DLC1: variants seen among roughly 807,000 people sequenced by gnomAD.
The protein encoded by DLC1 is DLC1 Rho GTPase activating protein.
In DLC1, 54 loss-of-function variants were observed where a neutral mutation model predicts 140.3. That is an observed-to-expected ratio of 0.38 (90% CI 0.31 to 0.48). The LOEUF (loss-of-function observed/expected upper bound fraction) is 0.48, where lower values mean the gene tolerates loss of function less well. DLC1 is among the 20% of genes least tolerant of loss of function. DLC1 has a pLI of 0.96. For synonymous variants in DLC1, 986 were observed against 728.1 expected, an observed-to-expected ratio of 1.35 and a Z score of -5.70; for missense variants, 2,536 against 1,907.0, an observed-to-expected ratio of 1.33 and a Z score of -6.14.
intron 5 of DLC1, among the ~76,000 whole-genome samples, chr8:13,136,101 T>C (rs916931641): frequency 1.3e-5 from 2 of 152,240 alleles, no homozygotes; most frequent in African/African-American, 4.8e-5. Context: ...TTTTGAAAGC[T>C]GCTACGCTTA....
chr8:13,413,255 G>GTTTTTTTTTTTTTTTTTTTT (rs1461897724), intron 2 of DLC1, among the ~76,000 whole-genome samples: 1 of 30,134 alleles, frequency 3.3e-5, no homozygotes, highest in Non-Finnish European at 8.7e-5. Context: ...ATTTTTTTGC[G>GTTTTTTTTTTTTTTTTTTTT]ATTTTTTTTT....
At chr8:13,295,942 GTTTTT>G (rs71207138) in intron 5 of DLC1, among the ~76,000 whole-genome samples, 170 of 72,864 alleles carry the variant, frequency 2.3e-3, no homozygotes, top group African/African-American at 9.1e-3. Flanking sequence ...AAGATTCTTT[GTTTTT>G]TTTTTTTTTT....
intron 4 of DLC1, among the ~76,000 whole-genome samples, chr8:13,390,945 A>G (rs1586260302): frequency 6.7e-6 from 1 of 149,472 alleles, no homozygotes; most frequent in East Asian, 2.0e-4. Context: ...AGATTGCACC[A>G]CTGCACTCCA....
At position 13,401,451 on chromosome 8, in the gene DLC1, T is replaced by C. The variant is rs1233333987; in HGVS notation, c.1173+19A>G. 1.2e-6 allele frequency: 2 copies of C among 1,610,842 alleles called. No individual in the cohort carries two copies. Among genetic ancestry groups the C allele is most frequent in the Non-Finnish European group, 1.7e-6 (2 of 1,179,402 alleles). ...GTTACGACTCCTATGGGAAAAGAAG[T>C]AGAAAGTGGAAAGCTCACAGGAACG... On this transcript the variant is annotated intron_variant, in intron 3 of 17. Transcript: ENST00000276297.
chr8:13,497,424 T>C (rs1196720884), intron 2 of DLC1, among the ~76,000 whole-genome samples: 1 of 152,188 alleles, frequency 6.6e-6, no homozygotes, highest in Non-Finnish European at 1.5e-5. Context: ...TTAAAGTAAA[T>C]ATTCCATCAG....
chr8:13,592,109 G>T (rs117269824), intron 1 of DLC1, among the ~76,000 whole-genome samples: 2,839 of 152,108 alleles, frequency 0.019, 38 homozygotes, highest in Non-Finnish European at 0.03. Flanking sequence ...GGACAGTCCA[G>T]CGTTTAGAAT....
At chr8:13,453,585 T>A (rs1240860213) in intron 2 of DLC1, among the ~76,000 whole-genome samples, 1 of 128,132 alleles carries the variant, frequency 7.8e-6, no homozygotes, top group East Asian at 2.3e-4. Context: ...CAGATAGAAA[T>A]GTTTACTGAG....
At chr8:13,378,317 C>T (rs970941220) in intron 4 of DLC1, among the ~76,000 whole-genome samples, 1 of 151,076 alleles carries the variant, frequency 6.6e-6, no homozygotes, top group Non-Finnish European at 1.5e-5. Context: ...TTGAAAGGCC[C>T]CACAGTTATC....
chr8:13,461,695 G>T (rs938454354), intron 2 of DLC1, among the ~76,000 whole-genome samples: 1 of 152,128 alleles, frequency 6.6e-6, no homozygotes, highest in Non-Finnish European at 1.5e-5. Flanking sequence ...TCCGCAAAGT[G>T]TTCCATTCCC....
At chr8:13,174,638 T>C (rs1489782178) in intron 5 of DLC1, among the ~76,000 whole-genome samples, 2 of 152,222 alleles carry the variant, frequency 1.3e-5, no homozygotes, top group Admixed American at 6.5e-5. Flanking sequence ...CATTTTTATA[T>C]GTTTGTTGGC....
At position 13,267,014 on chromosome 8, in the gene DLC1, C is replaced by T. The variant is rs192187568; in HGVS notation, c.1348+38255G>A. On this transcript the variant is annotated intron_variant, in intron 5 of 17. Transcript: ENST00000276297. Reference sequence around the variant, plus strand: ...GTTTACCAACTCATTTGTCCAGCCACGAGCTACACATGAGTTGACATGCAC... The same window carrying T: ...GTTTACCAACTCATTTGTCCAGCCATGAGCTACACATGAGTTGACATGCAC... Among the ~76,000 whole-genome samples the T allele has an allele frequency of 1.9e-3, 283 of 152,128 alleles. 4 individuals carry two copies. The highest frequency in any genetic ancestry group is 0.017 in the Admixed American group (256 of 15,286).
At chr8:13,450,452 C>G (rs569471901) in intron 2 of DLC1, among the ~76,000 whole-genome samples, 6 of 53,372 alleles carry the variant, frequency 1.1e-4, no homozygotes, top group African/African-American at 4.5e-4. Context: ...GAGACTGTCT[C>G]AAAAAAAAAA....
intron 1 of DLC1, among the ~76,000 whole-genome samples, chr8:13,510,188 T>A (rs77467094): frequency 8.6e-6 from 1 of 116,298 alleles, no homozygotes; most frequent in African/African-American, 3.1e-5. Flanking sequence ...TTTTTTTTTT[T>A]CCTGAGATGA....
At chr8:13,113,262 A>T (rs1820265619) in intron 6 of DLC1, among the ~76,000 whole-genome samples, 1 of 152,208 alleles carries the variant, frequency 6.6e-6, no homozygotes, top group Non-Finnish European at 1.5e-5. Context: ...ATTGCCAAGT[A>T]CGCAAATCAA....
At chr8:13,598,539 C>G (rs1050730196) in intron 1 of DLC1, among the ~76,000 whole-genome samples, 11 of 152,062 alleles carry the variant, frequency 7.2e-5, no homozygotes, top group Non-Finnish European at 1.6e-4. Flanking sequence ...TAATCTATTA[C>G]TCTTATGATC....
intron 4 of DLC1, among the ~76,000 whole-genome samples, chr8:13,324,032 T>C (rs1216155726): frequency 1.3e-5 from 2 of 152,192 alleles, no homozygotes; most frequent in South Asian, 2.1e-4. Flanking sequence ...ACTGAGCCTG[T>C]TGGGGACAGA....
At chr8:13,380,120 A>G (rs571436689) in intron 4 of DLC1, among the ~76,000 whole-genome samples, 43 of 152,278 alleles carry the variant, frequency 2.8e-4, no homozygotes, top group Admixed American at 1.0e-3. Flanking sequence ...TTTGACTGGG[A>G]TGGAAGGAAG....
At chr8:13,594,086 A>T (rs1805608233) in intron 1 of DLC1, among the ~76,000 whole-genome samples, 1 of 152,106 alleles carries the variant, frequency 6.6e-6, no homozygotes, top group Non-Finnish European at 1.5e-5. Flanking sequence ...GCTTGAGTCC[A>T]GGAAGTTGAG....
intron 4 of DLC1, among the ~76,000 whole-genome samples, chr8:13,326,079 T>C (rs1833333501): frequency 6.6e-6 from 1 of 152,220 alleles, no homozygotes; most frequent in Non-Finnish European, 1.5e-5. Context: ...TTGTGTAAGT[T>C]CACTCTATGA....
Sources: gnomAD v4.1 joint callset for allele counts (sites outside exome capture counted in the v4.1 genomes callset) on GRCh38, gnomAD v4.1.1 for gene constraint, MANE v1.5 for transcripts, NCBI Gene and HGNC (gene_info 2026-07-23, HGNC 2026-07-21) for gene names.